The following RFX3 variants were observed in gnomAD, a reference collection of about 807,000 sequenced individuals.
RFX3 encodes the protein regulatory factor X3.
In RFX3, 14 loss-of-function variants were observed where a neutral mutation model predicts 98.6. That is an observed-to-expected ratio of 0.14 (90% CI 0.09 to 0.22). The LOEUF (loss-of-function observed/expected upper bound fraction) is 0.22, where lower values mean the gene tolerates loss of function less well. Ranked by LOEUF, RFX3 falls within the 10% of genes least tolerant of loss-of-function variation. The probability of loss-of-function intolerance (pLI) is 1.00; values close to 1 mark genes in which losing one functional copy is unlikely to be tolerated. For missense variants in RFX3, 639 were observed against 926.9 expected, an observed-to-expected ratio of 0.69 and a Z score of 4.03; for synonymous variants, 383 against 328.4, an observed-to-expected ratio of 1.17 and a Z score of -1.80.
At chr9:3,255,764 G>A (rs1822051791) in intron 14 of RFX3, among the ~76,000 whole-genome samples, 1 of 152,080 alleles carries the variant, frequency 6.6e-6, no homozygotes, top group African/African-American at 2.4e-5. Flanking sequence ...TTTGATATAT[G>A]TCATGTAATC....
At chr9:3,525,288 A>C (rs1482910446) in intron 1 of RFX3, among the ~76,000 whole-genome samples, 1 of 152,218 alleles carries the variant, frequency 6.6e-6, no homozygotes, top group African/African-American at 2.4e-5. Context: ...ACTGTTGTCT[A>C]TTTCGGCTTT....
At chr9:3,383,992 T>C (rs1005187074) in intron 2 of RFX3, among the ~76,000 whole-genome samples, 3 of 152,126 alleles carry the variant, frequency 2.0e-5, no homozygotes, top group Non-Finnish European at 2.9e-5. Flanking sequence ...CCCTCTGATA[T>C]AGTGGTTCAG....
chr9:3,270,685 G>T, intron 10 of RFX3, 160 bp from the exon 11 acceptor site: 1 of 710,534 alleles, frequency 1.4e-6, no homozygotes, highest in Non-Finnish European at 2.3e-6. Flanking sequence ...GAGAGAGACA[G>T]ACAGATATAT....
Position 3,525,942 on chromosome 9 carries a change from G to A in RFX3, c.-204C>T, listed in dbSNP as rs1269844228. On this transcript the variant is annotated 5_prime_UTR_variant, in exon 1 of 17. Coordinates refer to ENST00000617270, the MANE Select transcript of RFX3 (RefSeq NM_001282116.2). ...AACTCACAAAAGAGAGAGAGAGAGG[G>A]AGAGAGAGAGAGAGCGAGAGGGAGA... The A allele has an allele frequency of 2.6e-6, 2 of 761,346 alleles. No homozygotes were observed. The highest frequency in any genetic ancestry group is 3.2e-6 in the Non-Finnish European group (2 of 634,596). The allele number at this position is 761,346 out of a possible 1,614,324, so 47.2% of individuals were successfully genotyped here. A position where few individuals can be genotyped will look rare whatever the true frequency, so the allele number is the denominator to read the frequency against.
At chr9:3,451,488 G>A (rs1046682003) in intron 1 of RFX3, among the ~76,000 whole-genome samples, 3 of 152,204 alleles carry the variant, frequency 2.0e-5, no homozygotes, top group African/African-American at 7.2e-5. Context: ...AGGCGGCAGT[G>A]AGCTACGATT....
chr9:3,277,481 A>G lies in RFX3; in HGVS notation c.852-20T>C. ...TTGTACCTAAAAATATTAGATGGAAAAAAACAAATAAACCAAATTATTCCT... is the reference window on the plus strand; with the variant it reads ...TTGTACCTAAAAATATTAGATGGAAGAAAACAAATAAACCAAATTATTCCT... On this transcript the variant is annotated intron_variant, in intron 7 of 16. Coordinates refer to ENST00000617270, the MANE Select transcript of RFX3 (RefSeq NM_001282116.2). 2.5e-6 allele frequency: 4 copies of G among 1,607,046 alleles called. No individual in the cohort carries two copies. In the South Asian group the frequency reaches 4.4e-5, roughly 18 times the overall value.
intron 1 of RFX3, among the ~76,000 whole-genome samples, chr9:3,432,401 A>G (rs1339881604): frequency 1.3e-5 from 2 of 152,182 alleles, no homozygotes; most frequent in Non-Finnish European, 2.9e-5. Context: ...AGAGAACGTC[A>G]TGAAAGTCTG....
chr9:3,429,047 G>A (rs1844384793), intron 1 of RFX3, among the ~76,000 whole-genome samples: 1 of 148,812 alleles, frequency 6.7e-6, no homozygotes, highest in Admixed American at 6.7e-5. Context: ...TTTTGAGACG[G>A]AGTCTCGCTG....
intron 7 of RFX3, among the ~76,000 whole-genome samples, chr9:3,285,563 A>G (rs978914100): frequency 1.3e-5 from 2 of 151,674 alleles, no homozygotes; most frequent in African/African-American, 4.8e-5. Context: ...CTTCAGAGAG[A>G]CCACAGAAGA....
At chr9:3,418,256 A>T (rs1306573733) in intron 1 of RFX3, among the ~76,000 whole-genome samples, 1 of 152,218 alleles carries the variant, frequency 6.6e-6, no homozygotes, top group Non-Finnish European at 1.5e-5. Flanking sequence ...CCTTAGAGTG[A>T]TTATAAAGAT....
intron 2 of RFX3, among the ~76,000 whole-genome samples, chr9:3,387,981 G>T (rs891421061): frequency 6.6e-6 from 1 of 152,026 alleles, no homozygotes; most frequent in Non-Finnish European, 1.5e-5. Flanking sequence ...AGATACTTTT[G>T]ATCAAAATTT....
At chr9:3,241,839 T>A (rs1223746637) in intron 15 of RFX3, among the ~76,000 whole-genome samples, 1 of 152,188 alleles carries the variant, frequency 6.6e-6, no homozygotes, top group South Asian at 2.1e-4. Flanking sequence ...AGTTTTCATA[T>A]TCTAAATATC....
intron 2 of RFX3, among the ~76,000 whole-genome samples, chr9:3,351,319 A>G (rs1295547278): frequency 2.6e-5 from 4 of 152,086 alleles, no homozygotes; most frequent in Non-Finnish European, 5.9e-5. Flanking sequence ...GCACATATAT[A>G]TGTAAATATA....
Position 3,280,857 on chromosome 9 carries a change from T to C in RFX3, c.852-3396A>G, listed in dbSNP as rs1038088214. On this transcript the variant is annotated intron_variant, in intron 7 of 16. Transcript: ENST00000617270. ...CAGGAGCCTGTTGGTCCCAAATAGA[T>C]TCCTTCAGCCCAATGTTGTAGAAAT... Among the ~76,000 whole-genome samples the C allele has an allele frequency of 4.6e-5, 7 of 151,740 alleles. No homozygotes were observed. In the Admixed American group the frequency reaches 4.6e-4, roughly 10 times the overall value.
At chr9:3,375,202 C>G (rs1414961666) in intron 2 of RFX3, among the ~76,000 whole-genome samples, 1 of 152,152 alleles carries the variant, frequency 6.6e-6, no homozygotes, top group African/African-American at 2.4e-5. Flanking sequence ...TGATCTCTTT[C>G]CAAAGCTGTC....
chr9:3,399,617 C>G (rs1368211527), intron 1 of RFX3, among the ~76,000 whole-genome samples: 2 of 151,952 alleles, frequency 1.3e-5, no homozygotes, highest in Non-Finnish European at 2.9e-5. Flanking sequence ...TGAGGGTAAT[C>G]AGAAATCTAT....
chr9:3,474,590 G>C (rs1470839287), intron 1 of RFX3, among the ~76,000 whole-genome samples: 1 of 152,198 alleles, frequency 6.6e-6, no homozygotes, highest in Non-Finnish European at 1.5e-5. Flanking sequence ...CCAATTTATA[G>C]ATGAGATTAC....
At chr9:3,313,565 A>G (rs574693865) in intron 4 of RFX3, among the ~76,000 whole-genome samples, 1 of 152,216 alleles carries the variant, frequency 6.6e-6, no homozygotes, top group Non-Finnish European at 1.5e-5. Context: ...CGGCAATAAC[A>G]AACTTCTCTG....
At chr9:3,395,409 G>C (rs1057501544) in intron 2 of RFX3, 63 bp downstream of exon 2, 3 of 1,570,038 alleles carry the variant, frequency 1.9e-6, no homozygotes, top group Admixed American at 3.4e-5. Flanking sequence ...TTGGATACAG[G>C]TATGTTGGAC....
Sources: allele counts gnomAD v4.1 joint callset (sites outside exome capture counted in the v4.1 genomes callset), GRCh38; gene constraint gnomAD v4.1.1; transcripts MANE v1.5; gene names NCBI Gene and HGNC (gene_info 2026-07-23, HGNC 2026-07-21).